KIAA1217: variants seen among roughly 807,000 people sequenced by gnomAD.
KIAA1217 encodes sickle tail protein homolog.
KIAA1217 carries 88 observed loss-of-function variants against 163.9 expected under a neutral mutation model. The observed-to-expected ratio is 0.54, with a 90% CI of 0.45 to 0.64. KIAA1217 has a LOEUF of 0.64. Ranked by LOEUF, KIAA1217 falls within the 30% of genes least tolerant of loss-of-function variation. The pLI, the probability that KIAA1217 is intolerant of heterozygous loss-of-function variation, is 0.00. For synonymous variants in KIAA1217, 903 were observed against 923.1 expected, an observed-to-expected ratio of 0.98 and a Z score of 0.39; for missense variants, 2,372 against 2,475.0, an observed-to-expected ratio of 0.96 and a Z score of 0.88.
rs563073369 is a variant in KIAA1217, at chr10:24,189,036, A to G, written c.-170-30590A>G. ...CAGGAGAATGGTGTGAACCCGGGAGATGGAGCTTGCAGTGAGCCAAGATCA... is the reference window on the plus strand; with the variant it reads ...CAGGAGAATGGTGTGAACCCGGGAGGTGGAGCTTGCAGTGAGCCAAGATCA... On this transcript the variant is annotated intron_variant, in intron 2 of 18. Coordinates refer to the KIAA1217 transcript ENST00000376462. Among the ~76,000 whole-genome samples, 257 of 149,426 alleles carry G rather than the reference A, an allele frequency of 1.7e-3. 1 individual carries two copies. The highest frequency in any genetic ancestry group is 6.1e-3 in the African/African-American group (247 of 40,610).
At chr10:24,031,691 T>TTG (rs1013569413) in intron 2 of KIAA1217, among the ~76,000 whole-genome samples, 13 of 151,248 alleles carry the variant, frequency 8.6e-5, no homozygotes, top group Non-Finnish European at 1.6e-4. Flanking sequence ...ATTTCACTGT[T>TTG]TGTGTGTGTG....
At chr10:24,449,989 G>T (rs2061265134) in intron 5 of KIAA1217, among the ~76,000 whole-genome samples, 1 of 152,132 alleles carries the variant, frequency 6.6e-6, no homozygotes, top group African/African-American at 2.4e-5. Flanking sequence ...AACTGGGCTG[G>T]TCTTCAATCT....
At chr10:24,262,962 A>G (rs1218854589) in intron 2 of KIAA1217, among the ~76,000 whole-genome samples, 16 of 152,110 alleles carry the variant, frequency 1.1e-4, no homozygotes, top group South Asian at 4.1e-4. Flanking sequence ...AAAAAAAAAA[A>G]AGAGAAAAGT....
At chr10:24,284,492 C>T (rs1229460990) in intron 2 of KIAA1217, among the ~76,000 whole-genome samples, 3 of 152,186 alleles carry the variant, frequency 2.0e-5, no homozygotes, top group Non-Finnish European at 2.9e-5. Context: ...GATTTTATTT[C>T]TGTGCTAATT....
chr10:23,919,937 A>G (rs1842792073), intron 1 of KIAA1217, among the ~76,000 whole-genome samples: 1 of 152,190 alleles, frequency 6.6e-6, no homozygotes, highest in South Asian at 2.1e-4. Flanking sequence ...GACATCTCAG[A>G]CACAATTTTT....
At chr10:24,272,674 C>T (rs780401184) in intron 2 of KIAA1217, among the ~76,000 whole-genome samples, 5 of 152,168 alleles carry the variant, frequency 3.3e-5, no homozygotes, top group Non-Finnish European at 7.3e-5. Flanking sequence ...TAACTGACTT[C>T]GAAATTCTTT....
intron 2 of KIAA1217, among the ~76,000 whole-genome samples, chr10:24,056,229 G>A (rs1187522517): frequency 6.6e-6 from 1 of 152,068 alleles, no homozygotes; most frequent in African/African-American, 2.4e-5. Context: ...TTGGGGGTCT[G>A]AGATGGGAGG....
intron 2 of KIAA1217, among the ~76,000 whole-genome samples, chr10:24,325,475 C>T (rs1047201761): frequency 1.3e-5 from 2 of 152,164 alleles, no homozygotes; most frequent in African/African-American, 4.8e-5. Context: ...AGCCTGTCAA[C>T]CCACAGATGA....
intron 1 of KIAA1217, among the ~76,000 whole-genome samples, chr10:23,821,677 C>A (rs1588888647): frequency 6.6e-6 from 1 of 152,306 alleles, no homozygotes; most frequent in East Asian, 1.9e-4. Context: ...ACAACAAATA[C>A]AAAAACATTG....
intron 2 of KIAA1217, among the ~76,000 whole-genome samples, chr10:24,276,818 C>A (rs1280461643): frequency 6.6e-6 from 1 of 152,070 alleles, no homozygotes; most frequent in Non-Finnish European, 1.5e-5. Flanking sequence ...CCATATTGGC[C>A]AGGCTGGTCT....
intron 1 of KIAA1217, among the ~76,000 whole-genome samples, chr10:23,734,902 C>T (rs1838705975): frequency 6.6e-6 from 1 of 152,016 alleles, no homozygotes; most frequent in Admixed American, 6.6e-5. Context: ...TATTTCATCA[C>T]CCAGGTATTA....
chr10:23,786,694 AT>A (rs1835510718), intron 1 of KIAA1217, among the ~76,000 whole-genome samples: 1 of 152,152 alleles, frequency 6.6e-6, no homozygotes, highest in Non-Finnish European at 1.5e-5. Context: ...CTAATGAAGG[AT>A]TGAAAATTAT....
intron 7 of KIAA1217, among the ~76,000 whole-genome samples, 184 bp downstream of exon 7, chr10:24,494,788 C>T (rs1316121201): frequency 6.6e-6 from 1 of 151,914 alleles, no homozygotes; most frequent in Non-Finnish European, 1.5e-5. Flanking sequence ...TTTCTTTCCT[C>T]CTTCTGGTAA....
At chr10:24,542,457 A>G in intron 17 of KIAA1217, 1 of 1,359,958 alleles carries the variant, frequency 7.4e-7, no homozygotes, top group Non-Finnish European at 9.5e-7. Flanking sequence ...CAAAATTTTA[A>G]ATTCTTGAAA....
At chr10:24,369,994 G>A (rs1334110144) in intron 2 of KIAA1217, among the ~76,000 whole-genome samples, 5 of 152,172 alleles carry the variant, frequency 3.3e-5, no homozygotes, top group East Asian at 1.9e-4. Flanking sequence ...GGCCGGGCGC[G>A]GCGGCTCACG....
At chr10:24,192,880 A>G (rs898123511) in intron 2 of KIAA1217, among the ~76,000 whole-genome samples, 1 of 152,246 alleles carries the variant, frequency 6.6e-6, no homozygotes, top group Admixed American at 6.5e-5. Flanking sequence ...TCCTGGGCTC[A>G]AACGATCTTC....
chr10:23,842,677 A>G (rs1838842002), intron 1 of KIAA1217, among the ~76,000 whole-genome samples: 1 of 152,100 alleles, frequency 6.6e-6, no homozygotes, highest in Non-Finnish European at 1.5e-5. Context: ...ATGAAATGTT[A>G]GTGCCTTCAC....
At chr10:24,099,766 T>A (rs1336731160) in intron 2 of KIAA1217, among the ~76,000 whole-genome samples, 3 of 109,576 alleles carry the variant, frequency 2.7e-5, no homozygotes, top group African/African-American at 3.5e-5. Flanking sequence ...CAGTCCCCGG[T>A]GTGTGATGTT....
intron 2 of KIAA1217, among the ~76,000 whole-genome samples, chr10:24,186,788 G>C (rs760017126): frequency 6.6e-6 from 1 of 152,160 alleles, no homozygotes; most frequent in Non-Finnish European, 1.5e-5. Flanking sequence ...TATCATGGAG[G>C]CTGAAGCATA....
Sources: allele counts gnomAD v4.1 joint callset (sites outside exome capture counted in the v4.1 genomes callset), GRCh38; gene constraint gnomAD v4.1.1; transcripts MANE v1.5; gene names NCBI Gene and HGNC (gene_info 2026-07-23, HGNC 2026-07-21).